The following ANKRD46 variants were observed in gnomAD, a reference collection of about 807,000 sequenced individuals.
ANKRD46 encodes the protein ankyrin repeat domain-containing protein 46.
In ANKRD46, 13 loss-of-function variants were observed where a neutral mutation model predicts 19.8. The observed-to-expected ratio is 0.66, with a 90% CI of 0.43 to 1.04. The LOEUF (loss-of-function observed/expected upper bound fraction) is 1.04. ANKRD46 is among the 50% of genes least tolerant of loss of function. The pLI is 0.00. For synonymous variants in ANKRD46, 91 were observed against 106.9 expected, an observed-to-expected ratio of 0.85 and a Z score of 0.92; for missense variants, 185 against 274.8, an observed-to-expected ratio of 0.67 and a Z score of 2.31.
downstream of ANKRD46, among the ~76,000 whole-genome samples, chr8:100,520,330 T>C (rs1811700146): frequency 6.6e-6 from 1 of 152,202 alleles, no homozygotes; most frequent in South Asian, 2.1e-4. Context: ...ATTTCCAGAT[T>C]CATGAAAGAC....
At chr8:100,555,424 T>C (rs1586806606) in intron 1 of ANKRD46, among the ~76,000 whole-genome samples, 1 of 142,800 alleles carries the variant, frequency 7.0e-6, no homozygotes, top group South Asian at 2.3e-4. Flanking sequence ...CTCAGGGACA[T>C]ACAAAAAATT....
intron 5 of ANKRD46, among the ~76,000 whole-genome samples, chr8:100,513,072 G>A (rs1811573249): frequency 6.6e-6 from 1 of 152,174 alleles, no homozygotes; most frequent in African/African-American, 2.4e-5. Flanking sequence ...ATTTGTAATT[G>A]ATAATGTAGT....
At position 100,544,300 on chromosome 8, in the gene ANKRD46, C is replaced by T. The variant is rs1395470522; in HGVS notation, c.-130-10989G>A. Among the ~76,000 whole-genome samples, 1 of 152,084 alleles carries T rather than the reference C, an allele frequency of 6.6e-6. No homozygotes were observed. Among genetic ancestry groups the T allele is most frequent in the African/African-American group, 2.4e-5 (1 of 41,386 alleles). ...ACCTTACTCATCCATGGGACCCGGACATAAAGAAGCAAGGACAAAGAACAT... is the reference window on the plus strand; with the variant it reads ...ACCTTACTCATCCATGGGACCCGGATATAAAGAAGCAAGGACAAAGAACAT... On this transcript the variant is annotated intron_variant, in intron 1 of 4. Coordinates refer to ENST00000335659, the MANE Select transcript of ANKRD46 (RefSeq NM_001270377.2). This position sits in a 1 kb window ranked among gnomAD's most constrained non-coding sequence, Gnocchi z 4.4.
intron 1 of ANKRD46, among the ~76,000 whole-genome samples, chr8:100,552,747 T>C (rs569161655): frequency 6.6e-6 from 1 of 152,374 alleles, no homozygotes; most frequent in African/African-American, 2.4e-5. Context: ...GTCATTTTTA[T>C]ATTTCATAGA....
intron 1 of ANKRD46, among the ~76,000 whole-genome samples, chr8:100,540,182 C>T (rs1812148733): frequency 1.4e-5 from 2 of 140,464 alleles, no homozygotes; most frequent in South Asian, 2.3e-4. Flanking sequence ...TATCACTATA[C>T]TCATTTCATG....
Position 100,536,080 on chromosome 8 carries a change from G to A in ANKRD46, c.-130-2769C>T, listed in dbSNP as rs1055904223. On this transcript the variant is annotated intron_variant, in intron 1 of 4. Transcript: ENST00000335659. The surrounding 1 kb of genome is among the most constrained non-coding windows in gnomAD (Gnocchi z 4.9). ...CCTGTAGGACCAAGCATTTGCAAGG[G>A]CACAGGTGGATGTACTGGCATTTAC... 2.6e-5 allele frequency among the ~76,000 whole-genome samples: 4 copies of A among 151,954 alleles called. No individual in the cohort carries two copies. The highest frequency in any genetic ancestry group is 5.9e-5 in the Non-Finnish European group (4 of 68,004).
In ANKRD46 at chr8:100,529,836, T is replaced by C; in HGVS notation, c.-3A>G. On this transcript the variant is annotated 5_prime_UTR_variant, in exon 3 of 5. Transcript: ENST00000335659. This position sits in a 1 kb window ranked among gnomAD's most constrained non-coding sequence, Gnocchi z 5.8. ...TCATTTACAAAAACATACGACATTG[T>C]TCTGATGTGGTGGATGGAACACGCC... The C allele has an allele frequency of 1.9e-6, 3 of 1,612,992 alleles. No individual in the cohort carries two copies. Among genetic ancestry groups the C allele is most frequent in the Non-Finnish European group, 1.7e-6 (2 of 1,179,112 alleles).
intron 3 of ANKRD46, among the ~76,000 whole-genome samples, chr8:100,528,478 C>T (rs1475558029): frequency 6.7e-6 from 1 of 150,288 alleles, no homozygotes; most frequent in Admixed American, 6.6e-5. Context: ...CTGAGCCAAA[C>T]ATCCAGTGTA....
chr8:100,518,501 C>T (rs1046980450), downstream of ANKRD46, among the ~76,000 whole-genome samples: 5 of 151,868 alleles, frequency 3.3e-5, no homozygotes, highest in Admixed American at 6.6e-5. Flanking sequence ...AAAATGAAGT[C>T]GAATCTTCCC....
intron 1 of ANKRD46, among the ~76,000 whole-genome samples, chr8:100,555,173 T>C (rs1221254845): frequency 6.6e-6 from 1 of 152,030 alleles, no homozygotes; most frequent in East Asian, 1.9e-4. Flanking sequence ...ATTTTCCTTA[T>C]AGGAAATCTA....
At position 100,529,612 on chromosome 8, in the gene ANKRD46, T is replaced by A; in HGVS notation, c.222A>T (p.Thr74=). ...GAAGAGCTGTGTTTCCTTGATAATC[T>A]GTGGCCAGAAGATCGGCACCGAATT... The part of the protein sequence containing the change: ...LHKFGADLLA[T]DYQGNTALHL... The change falls in exon 3 of 5, where the codon ACA becomes ACT. Residue 74 remains threonine, a synonymous_variant. Transcript: ENST00000335659. This position sits in a 1 kb window ranked among gnomAD's most constrained non-coding sequence, Gnocchi z 5.8. 1.2e-6 allele frequency: 2 copies of A among 1,614,238 alleles called. No individual in the cohort carries two copies. Among genetic ancestry groups the A allele is most frequent in the Non-Finnish European group, 1.7e-6 (2 of 1,180,036 alleles).
downstream of ANKRD46, among the ~76,000 whole-genome samples, chr8:100,517,839 G>C (rs902410811): frequency 7.9e-5 from 12 of 152,168 alleles, no homozygotes; most frequent in African/African-American, 2.9e-4. Context: ...TTAACTTTGG[G>C]AAAAGCTACT....
chr8:100,538,773 C>T (rs566733417), intron 1 of ANKRD46, among the ~76,000 whole-genome samples: 9 of 152,072 alleles, frequency 5.9e-5, no homozygotes, highest in South Asian at 2.1e-4. Flanking sequence ...GGAAAAGTAG[C>T]GGGGAGAGAT....
At chr8:100,554,635 G>A (rs1296729234) in intron 1 of ANKRD46, 2 of 152,208 alleles carry the variant, frequency 1.3e-5, no homozygotes, top group Non-Finnish European at 2.9e-5. Flanking sequence ...TGAGGCAGGA[G>A]GATCACTCGA....
intron 1 of ANKRD46, among the ~76,000 whole-genome samples, chr8:100,554,115 A>G (rs1812447394): frequency 6.6e-6 from 1 of 152,254 alleles, no homozygotes; most frequent in Admixed American, 6.5e-5. Context: ...AGAGAGAGCC[A>G]GAGACAGGAA....
chr8:100,523,660 T>G (rs188373190), intron 4 of ANKRD46, among the ~76,000 whole-genome samples: 3 of 152,228 alleles, frequency 2.0e-5, no homozygotes, highest in Admixed American at 1.3e-4. Flanking sequence ...TTTTTTTTTT[T>G]GGAGACAGAA....
chr8:100,558,815 T>A (rs1204465495), intron 1 of ANKRD46, among the ~76,000 whole-genome samples: 1 of 152,148 alleles, frequency 6.6e-6, no homozygotes, highest in Non-Finnish European at 1.5e-5. Context: ...CTTATCTGTA[T>A]AATGGAAATG....
At chr8:100,519,271 T>C (rs1402929799), downstream of ANKRD46, among the ~76,000 whole-genome samples, 1 of 152,216 alleles carries the variant, frequency 6.6e-6, no homozygotes, top group Non-Finnish European at 1.5e-5. Flanking sequence ...CTTGTTTGCA[T>C]CAAAGTTTCC....
Position 100,510,495 on chromosome 8 carries a change from C to T in ANKRD46, c.*82G>A. 2 of 1,356,604 alleles carry T rather than the reference C, an allele frequency of 1.5e-6. No individual in the cohort carries two copies. Among genetic ancestry groups the T allele is most frequent in the East Asian group, 2.5e-5 (1 of 39,456 alleles). The allele number at this position is 1,356,604 out of a possible 1,614,324, so 84.0% of individuals were successfully genotyped here. A position where few individuals can be genotyped will look rare whatever the true frequency, so the allele number is the denominator to read the frequency against. On this transcript the variant is annotated 3_prime_UTR_variant, in exon 6 of 6. Coordinates refer to the ANKRD46 transcript ENST00000520552. This position sits in a 1 kb window ranked among gnomAD's most constrained non-coding sequence, Gnocchi z 4.9. ...TGACACAAGTCGTGACGGAAACAGC[C>T]CCACCCAACAGGGACGCTGACGTCT...
Sources: allele counts gnomAD v4.1 joint callset (sites outside exome capture counted in the v4.1 genomes callset), GRCh38; gene constraint gnomAD v4.1.1; non-coding constraint Gnocchi (gnomAD v3.1); transcripts MANE v1.5; gene names NCBI Gene and HGNC (gene_info 2026-07-23, HGNC 2026-07-21).